The following SASH1 variants were observed in gnomAD, a reference collection of about 807,000 sequenced individuals.
The protein encoded by SASH1 is SAM and SH3 domain-containing protein 1.
A neutral mutation model predicts 125.2 loss-of-function variants in SASH1; 44 were observed. The ratio of observed to expected loss-of-function variants is 0.35; its 90% CI spans 0.28 to 0.45. The LOEUF (loss-of-function observed/expected upper bound fraction) is 0.45, where lower values mean the gene tolerates loss of function less well. Ranked by LOEUF, SASH1 falls within the 20% of genes least tolerant of loss-of-function variation. The probability of loss-of-function intolerance (pLI) is 1.00; values close to 1 mark genes in which losing one functional copy is unlikely to be tolerated. For synonymous variants in SASH1, 639 were observed against 649.1 expected (o/e 0.98, Z 0.24); for missense variants, 1,426 against 1,614.5 (o/e 0.88, Z 2.00).
At chr6:148,264,547 C>A in the SASH1 span, among the ~76,000 whole-genome samples, 1 of 152,228 alleles carries the variant, frequency 6.6e-6, no homozygotes, top group Non-Finnish European at 1.5e-5. Flanking sequence ...ACACTCTTCA[C>A]CATTGCCCAT....
the SASH1 span, among the ~76,000 whole-genome samples, chr6:148,199,914 A>G: frequency 6.6e-6 from 1 of 152,212 alleles, no homozygotes; most frequent in East Asian, 1.9e-4. Context: ...GAAGATGCTC[A>G]TCAGTCAAAA....
chr6:148,438,874 C>A (rs1242571615), intron 2 of SASH1, among the ~76,000 whole-genome samples: 1 of 152,200 alleles, frequency 6.6e-6, no homozygotes, highest in Admixed American at 6.5e-5. Flanking sequence ...AACACTCCCC[C>A]ACAATCCTGC....
In SASH1 at chr6:148,533,910, G is replaced by C. The variant is rs1781681975; in HGVS notation, c.1874G>C (p.Arg625Thr). The change falls in exon 15 of 20, where the codon AGG becomes ACG. Residue 625 changes from arginine to threonine, a missense_variant. This residue lies in a region of SASH1 where 225 missense variants were observed against 344.5 expected (regional missense o/e 0.65). Coordinates refer to ENST00000367467, the MANE Select transcript of SASH1 (RefSeq NM_015278.5). This position sits in a 1 kb window ranked among gnomAD's most constrained non-coding sequence, Gnocchi z 6.2. ...GAGGAGAAACCCAAACGCCCCACCAGGAGGCGTCGGAAAGGACGACCACCC... is the reference window on the plus strand; with the variant it reads ...GAGGAGAAACCCAAACGCCCCACCACGAGGCGTCGGAAAGGACGACCACCC... ...EDEEKPKRPT[R>T]RRRKGRPPQP... 1.2e-6 allele frequency: 2 copies of C among 1,613,914 alleles called. No homozygotes were observed. The highest frequency in any genetic ancestry group is 1.1e-5 in the South Asian group (1 of 91,066).
intron 1 of SASH1, among the ~76,000 whole-genome samples, chr6:148,308,397 CTTT>C (rs200563796): frequency 2.2e-5 from 3 of 139,342 alleles, no homozygotes; most frequent in African/African-American, 2.6e-5. Flanking sequence ...AACTTAGGAG[CTTT>C]TTTTTTTTTT....
At chr6:148,398,922 C>G (rs917972904) in intron 2 of SASH1, among the ~76,000 whole-genome samples, 1 of 152,184 alleles carries the variant, frequency 6.6e-6, no homozygotes, top group Non-Finnish European at 1.5e-5. Context: ...ATGCCCTGTT[C>G]CAATTTAGTC....
intron 1 of SASH1, among the ~76,000 whole-genome samples, chr6:148,294,001 GT>G (rs1206841084): frequency 6.6e-6 from 1 of 152,220 alleles, no homozygotes; most frequent in Admixed American, 6.5e-5. Context: ...GAAAAAGCCT[GT>G]GAATTGCAAT....
At chr6:148,193,979 A>G in the SASH1 span, among the ~76,000 whole-genome samples, 1 of 152,228 alleles carries the variant, frequency 6.6e-6, no homozygotes, top group East Asian at 1.9e-4. Context: ...TTGGATTTTT[A>G]CTTTTGGTTT....
At chr6:148,449,078 C>CTTTTTCTTTTTTT in intron 4 of SASH1, among the ~76,000 whole-genome samples, 5 of 88,736 alleles carry the variant, frequency 5.6e-5, no homozygotes, top group Admixed American at 1.2e-4. Flanking sequence ...CATTTCATTT[C>CTTTTTCTTTTTTT]TTTTTTTTTT....
At chr6:148,302,654 T>C (rs1355456372) in intron 1 of SASH1, among the ~76,000 whole-genome samples, 1 of 58,500 alleles carries the variant, frequency 1.7e-5, no homozygotes, top group Non-Finnish European at 3.5e-5. Context: ...GATGTGTGTG[T>C]ATATATATAC....
At chr6:148,293,181 C>A (rs544760552) in intron 1 of SASH1, among the ~76,000 whole-genome samples, 2 of 152,146 alleles carry the variant, frequency 1.3e-5, no homozygotes, top group Non-Finnish European at 2.9e-5. Flanking sequence ...AACCTGCACA[C>A]CCTAAACGAT....
chr6:148,288,530 C>T (rs978007567), intron 1 of SASH1, among the ~76,000 whole-genome samples: 1 of 152,206 alleles, frequency 6.6e-6, no homozygotes, highest in East Asian at 1.9e-4. Flanking sequence ...TCAACAGAAA[C>T]AATCCTGCTA....
At chr6:148,337,297 C>T (rs1287260145) in intron 1 of SASH1, among the ~76,000 whole-genome samples, 2 of 150,880 alleles carry the variant, frequency 1.3e-5, no homozygotes, top group Non-Finnish European at 2.9e-5. Flanking sequence ...AATCTCGGCT[C>T]ACTGCAAGCT....
chr6:148,465,273 C>T (rs890577225), intron 4 of SASH1, among the ~76,000 whole-genome samples: 4 of 151,980 alleles, frequency 2.6e-5, no homozygotes, highest in Admixed American at 6.6e-5. Context: ...TAGTCCTGGC[C>T]GGTCACGGTG....
At chr6:148,474,265 T>G (rs1489188794) in intron 7 of SASH1, 43 bp downstream of exon 7, 1 of 1,256,380 alleles carries the variant, frequency 8.0e-7, no homozygotes, top group African/African-American at 1.5e-5. Context: ...AGGACTTGAC[T>G]TTCTGAAGTG....
chr6:148,238,625 TACACACACACACACACACAC>T, the SASH1 span, among the ~76,000 whole-genome samples: 1 of 149,446 alleles, frequency 6.7e-6, no homozygotes, highest in Non-Finnish European at 1.5e-5. Context: ...TACACACACA[TACACACACACACACACACAC>T]ACACACACAC....
At chr6:148,316,598 C>T (rs578093340) in intron 1 of SASH1, among the ~76,000 whole-genome samples, 11 of 152,316 alleles carry the variant, frequency 7.2e-5, no homozygotes, top group Admixed American at 4.6e-4. Context: ...TGCTGGGCAG[C>T]GCATTATCTG....
chr6:148,406,518 A>G (rs533373844), intron 2 of SASH1, among the ~76,000 whole-genome samples: 4 of 152,204 alleles, frequency 2.6e-5, no homozygotes, highest in Non-Finnish European at 5.9e-5. Context: ...ACATATGCCT[A>G]TCACCTTCTA....
At chr6:148,352,590 CCTT>C in intron 1 of SASH1, among the ~76,000 whole-genome samples, 1 of 140,200 alleles carries the variant, frequency 7.1e-6, no homozygotes. Context: ...GAGTGAGACT[CCTT>C]CTTATAAATA....
At chr6:148,440,709 T>C in intron 4 of SASH1, 1 of 342,510 alleles carries the variant, frequency 2.9e-6, no homozygotes, top group Non-Finnish European at 5.3e-6. Flanking sequence ...AAGATGGATT[T>C]TCATCTTTTA....
Sources: allele counts gnomAD v4.1 joint callset (sites outside exome capture counted in the v4.1 genomes callset), GRCh38; gene constraint gnomAD v4.1.1; regional missense constraint gnomAD v4.1.1; non-coding constraint Gnocchi (gnomAD v3.1); transcripts MANE v1.5; gene names NCBI Gene and HGNC (gene_info 2026-07-23, HGNC 2026-07-21).